The following YPEL2 variants were observed in gnomAD, a reference collection of about 807,000 sequenced individuals.
YPEL2 encodes the protein protein yippee-like 2.
Under a neutral mutation model 19.1 loss-of-function variants are expected in YPEL2, and 2 were observed. The observed-to-expected ratio is 0.10, with a 90% confidence interval of 0.04 to 0.33. The LOEUF is 0.33. Among genes scored for constraint, YPEL2 ranks in the 10% least tolerant of loss-of-function variants. The probability of loss-of-function intolerance (pLI) is 1.00; values close to 1 mark genes in which losing one functional copy is unlikely to be tolerated. For synonymous variants in YPEL2, 52 were observed against 50.0 expected (o/e 1.04, Z -0.17); for missense variants, 66 against 140.7 (o/e 0.47, Z 2.68).
intron 2 of YPEL2, among the ~76,000 whole-genome samples, chr17:59,374,777 G>A (rs149777518): frequency 3.0e-4 from 46 of 152,308 alleles, no homozygotes; most frequent in African/African-American, 1.1e-3. Flanking sequence ...TTTCACAGAT[G>A]AGGAACTTTT....
chr17:59,340,177 A>T (rs183633057), intron 1 of YPEL2, among the ~76,000 whole-genome samples: 61 of 150,372 alleles, frequency 4.1e-4, no homozygotes, highest in Non-Finnish European at 7.7e-4. Context: ...GTGTGATCTC[A>T]GCTCACTGCA....
In YPEL2 at chr17:59,384,465, C is replaced by T. The variant is rs183581811; in HGVS notation, c.118-3862C>T. ...TGTTTTTTAAAAAAATAAGATTGGC[C>T]TTATTCACAGAAACAACAGTATTCA... On this transcript the variant is annotated intron_variant, in intron 2 of 4. Transcript: ENST00000312655. Among the ~76,000 whole-genome samples, 44 of 152,152 alleles carry T rather than the reference C, an allele frequency of 2.9e-4. 1 individual carries two copies. The East Asian group carries it at 8.3e-3, about 29-fold the overall frequency.
At chr17:59,380,932 G>T (rs934597472) in intron 2 of YPEL2, among the ~76,000 whole-genome samples, 1 of 152,220 alleles carries the variant, frequency 6.6e-6, no homozygotes, top group Non-Finnish European at 1.5e-5. Context: ...GAGAAAGAGG[G>T]AGACCAAAGT....
intron 1 of YPEL2, among the ~76,000 whole-genome samples, chr17:59,341,391 C>CA (rs1016471938): frequency 0.011 from 1,395 of 129,858 alleles, 12 homozygotes; most frequent in Middle Eastern, 0.017. Flanking sequence ...GACTCCGTCT[C>CA]AAAAAAAAAA....
intron 2 of YPEL2, among the ~76,000 whole-genome samples, chr17:59,360,228 C>A (rs952129965): frequency 3.9e-5 from 6 of 152,228 alleles, no homozygotes; most frequent in African/African-American, 1.2e-4. Context: ...AGGCACCCGC[C>A]ACCACGCCCG....
rs1205809197 is a variant in YPEL2 at position 59,398,249 on chromosome 17, G to A, written c.*1059G>A. Reference sequence around the variant, plus strand: ...GGGGTTTACATTGGAACCAGTTCAGGTTCGGTGCATCTTTCCTCTTCGGTT... The same window carrying A: ...GGGGTTTACATTGGAACCAGTTCAGATTCGGTGCATCTTTCCTCTTCGGTT... On this transcript the variant is annotated 3_prime_UTR_variant, in exon 5 of 5. Transcript: ENST00000312655. 1 of 152,262 alleles carries A rather than the reference G, an allele frequency of 6.6e-6. No individual in the cohort carries two copies. Among genetic ancestry groups the A allele is most frequent in the Admixed American group, 6.5e-5 (1 of 15,272 alleles). The allele number at this position is 152,262 out of a possible 1,614,324, so 9.4% of individuals were successfully genotyped here.
chr17:59,354,389 CATCTTTACGCAGACCG>C (rs2047802095), intron 2 of YPEL2: 1 of 152,056 alleles, frequency 6.6e-6, no homozygotes, highest in African/African-American at 2.4e-5. Flanking sequence ...AAAACCAACC[CATCTTTACGCAGACCG>C]AGACGAAGTT....
chr17:59,339,565 A>G (rs1487459945), intron 1 of YPEL2, among the ~76,000 whole-genome samples: 2 of 152,088 alleles, frequency 1.3e-5, no homozygotes, highest in African/African-American at 2.4e-5. Flanking sequence ...TGACGTCTTC[A>G]TTTTGCATTA....
intron 1 of YPEL2, among the ~76,000 whole-genome samples, chr17:59,351,984 G>T (rs766749801): frequency 1.3e-5 from 2 of 152,148 alleles, no homozygotes; most frequent in African/African-American, 4.8e-5. Context: ...GGATTCCAGG[G>T]AAGATGGCAG....
chr17:59,346,557 T>G (rs528304842), intron 1 of YPEL2, among the ~76,000 whole-genome samples: 1 of 152,184 alleles, frequency 6.6e-6, no homozygotes, highest in East Asian at 1.9e-4. Flanking sequence ...TCACATGTGC[T>G]ACCTGTGCAG....
At chr17:59,384,175 A>G (rs188549089) in intron 2 of YPEL2, among the ~76,000 whole-genome samples, 1 of 152,336 alleles carries the variant, frequency 6.6e-6, no homozygotes, top group African/African-American at 2.4e-5. Context: ...GATGAAGTTC[A>G]GTTTATCAGT....
chr17:59,358,135 A>G (rs1302846890), intron 2 of YPEL2, among the ~76,000 whole-genome samples: 1 of 152,170 alleles, frequency 6.6e-6, no homozygotes, highest in African/African-American at 2.4e-5. Flanking sequence ...CCTCAGAGCC[A>G]GGGCCATCCA....
intron 1 of YPEL2, among the ~76,000 whole-genome samples, chr17:59,334,053 A>G (rs1368691810): frequency 1.3e-5 from 2 of 152,208 alleles, no homozygotes; most frequent in African/African-American, 4.8e-5. Context: ...CTCAACTGCC[A>G]TGAAGCAGTT....
chr17:59,377,063 C>G (rs1282452960), intron 2 of YPEL2, among the ~76,000 whole-genome samples: 1 of 151,562 alleles, frequency 6.6e-6, no homozygotes, highest in Non-Finnish European at 1.5e-5. Context: ...TTTCTCAGGC[C>G]TTTTTGCCTA....
At chr17:59,349,655 C>CTTTTG (rs200032459) in intron 1 of YPEL2, among the ~76,000 whole-genome samples, 33 of 151,942 alleles carry the variant, frequency 2.2e-4, no homozygotes, top group Non-Finnish European at 2.5e-4. Context: ...ACAGGCTGGC[C>CTTTTG]TTTTGTTTTG....
chr17:59,362,007 A>G (rs1320325322), intron 2 of YPEL2, among the ~76,000 whole-genome samples: 1 of 152,226 alleles, frequency 6.6e-6, no homozygotes, highest in Admixed American at 6.5e-5. Flanking sequence ...GGTAGAAGCC[A>G]GATTATTAGA....
At chr17:59,333,952 G>A (rs151203327) in intron 1 of YPEL2, among the ~76,000 whole-genome samples, 303 of 152,260 alleles carry the variant, frequency 2.0e-3, no homozygotes, top group African/African-American at 6.6e-3. Flanking sequence ...AGTCAGGTAT[G>A]TGACCCCATA....
chr17:59,367,786 C>T (rs1297365940), intron 2 of YPEL2, among the ~76,000 whole-genome samples: 2 of 152,178 alleles, frequency 1.3e-5, no homozygotes, highest in Non-Finnish European at 2.9e-5. Flanking sequence ...CCGTCTAGCA[C>T]CCACAGGTTC....
At chr17:59,389,510 AT>A in intron 4 of YPEL2, 42 bp downstream of exon 4, 3 of 1,502,726 alleles carry the variant, frequency 2.0e-6, no homozygotes, top group Non-Finnish European at 2.8e-6. Flanking sequence ...CTGGAAGGGA[AT>A]TGCCAAGAGC....
Sources: allele counts gnomAD v4.1 joint callset (sites outside exome capture counted in the v4.1 genomes callset), GRCh38; gene constraint gnomAD v4.1.1; transcripts MANE v1.5; gene names NCBI Gene and HGNC (gene_info 2026-07-23, HGNC 2026-07-21).